IQGAP2: variants seen among roughly 807,000 people sequenced by gnomAD.
IQGAP2 encodes IQ motif containing GTPase activating protein 2, also known as ras GTPase-activating-like protein IQGAP2.
A neutral mutation model predicts 201.3 loss-of-function variants in IQGAP2; 173 were observed. The observed-to-expected ratio is 0.86, with a 90% CI of 0.76 to 0.98. The LOEUF (loss-of-function observed/expected upper bound fraction) is 0.98, where lower values mean the gene tolerates loss of function less well. IQGAP2 is among the 50% of genes least tolerant of loss of function. The probability of loss-of-function intolerance (pLI) is 0.00; values close to 1 mark genes in which losing one functional copy is unlikely to be tolerated. For synonymous variants in IQGAP2, 675 were observed against 673.9 expected (o/e 1.00, Z -0.03); for missense variants, 1,687 against 1,864.8 (o/e 0.90, Z 1.76).
At chr5:76,587,726 G>A (rs1420969565) in intron 5 of IQGAP2, among the ~76,000 whole-genome samples, 1 of 151,982 alleles carries the variant, frequency 6.6e-6, no homozygotes, top group Admixed American at 6.6e-5. Flanking sequence ...GCAGAGGTGG[G>A]TGGTCAGGAG....
intron 2 of IQGAP2, among the ~76,000 whole-genome samples, chr5:76,549,311 G>A (rs1280585654): frequency 2.2e-5 from 3 of 133,544 alleles, no homozygotes; most frequent in Admixed American, 1.5e-4. Flanking sequence ...CTCAGGCGTC[G>A]AGCTCTGGAG....
chr5:76,639,348 G>A (rs922365306), intron 16 of IQGAP2, among the ~76,000 whole-genome samples: 28 of 152,114 alleles, frequency 1.8e-4, no homozygotes, highest in Admixed American at 6.5e-4. Flanking sequence ...CACAGTCACC[G>A]GTATCTCTGA....
chr5:76,637,004 G>A (rs766244596), intron 15 of IQGAP2, 30 bp from the exon 16 acceptor site: 4 of 1,557,464 alleles, frequency 2.6e-6, no homozygotes, highest in Non-Finnish European at 3.5e-6. Flanking sequence ...CACTGTGTCT[G>A]TGTAGAATTT....
chr5:76,479,456 C>G (rs1755647125), intron 2 of IQGAP2, among the ~76,000 whole-genome samples: 1 of 152,158 alleles, frequency 6.6e-6, no homozygotes, highest in Non-Finnish European at 1.5e-5. Flanking sequence ...GACCAGCTGG[C>G]TGTGCTTGGC....
intron 2 of IQGAP2, among the ~76,000 whole-genome samples, chr5:76,495,703 C>A (rs1168977293): frequency 6.6e-6 from 1 of 152,176 alleles, no homozygotes; most frequent in Non-Finnish European, 1.5e-5. Context: ...CCTCAGGGAA[C>A]TTACAATCAT....
At chr5:76,524,242 A>C (rs1758847709) in intron 2 of IQGAP2, among the ~76,000 whole-genome samples, 1 of 152,222 alleles carries the variant, frequency 6.6e-6, no homozygotes, top group Non-Finnish European at 1.5e-5. Flanking sequence ...TACCTTAGCC[A>C]GAAGCCTCAC....
At chr5:76,406,527 A>G (rs1187126597) in intron 1 of IQGAP2, among the ~76,000 whole-genome samples, 1 of 152,282 alleles carries the variant, frequency 6.6e-6, no homozygotes, top group African/African-American at 2.4e-5. Context: ...TTGTATGTAT[A>G]GTATTTTTCT....
chr5:76,707,364 ATTTG>A lies in IQGAP2; in HGVS notation c.*55_*58del, dbSNP rs1211817954. On this transcript the variant is annotated 3_prime_UTR_variant, in exon 36 of 36. Transcript: ENST00000274364. ...CTGTATCATCTGGATTAGGAAATGA[ATTTG>A]TTTAATATTTTTGTTTTTAAACATG... is the stretch of plus-strand genomic sequence containing the variant. The A allele has an allele frequency of 3.6e-6, 3 of 836,066 alleles. No homozygotes were observed. Among genetic ancestry groups the A allele is most frequent in the Non-Finnish European group, 6.1e-6 (3 of 493,344 alleles). The allele number at this position is 836,066 out of a possible 1,614,324, so 51.8% of individuals were successfully genotyped here. A position where few individuals can be genotyped will look rare whatever the true frequency, so the allele number is the denominator to read the frequency against.
intron 2 of IQGAP2, among the ~76,000 whole-genome samples, chr5:76,516,662 A>G (rs1159387767): frequency 3.3e-5 from 5 of 152,322 alleles, no homozygotes; most frequent in Middle Eastern, 3.4e-3. Context: ...AAACTTGTCT[A>G]AAGAATTCTA....
intron 11 of IQGAP2, among the ~76,000 whole-genome samples, chr5:76,603,380 A>T (rs922836527): frequency 2.6e-5 from 4 of 152,030 alleles, no homozygotes; most frequent in Non-Finnish European, 4.4e-5. Flanking sequence ...GGAACCAAAA[A>T]TATCTGAGAT....
intron 1 of IQGAP2, among the ~76,000 whole-genome samples, chr5:76,405,949 A>G (rs1324498208): frequency 6.6e-6 from 1 of 152,218 alleles, no homozygotes; most frequent in African/African-American, 2.4e-5. Flanking sequence ...TTTCAGTTCT[A>G]GTGCTGAACG....
chr5:76,639,673 T>C (rs941523555), intron 16 of IQGAP2, among the ~76,000 whole-genome samples: 1 of 152,192 alleles, frequency 6.6e-6, no homozygotes, highest in Non-Finnish European at 1.5e-5. Context: ...GATATCGCAG[T>C]GTGGCAGTAT....
At position 76,500,189 on chromosome 5, in the gene IQGAP2, C is replaced by T. The variant is rs1053805579; in HGVS notation, c.146+38520C>T. 1.3e-5 allele frequency among the ~76,000 whole-genome samples: 2 copies of T among 152,166 alleles called. 1 individual carries two copies. The highest frequency in any genetic ancestry group is 4.2e-4 in the South Asian group (2 of 4,818). ...CTCGAAGAACTTTATTTACTTTCTT[C>T]TGTTGCATGCTACCACTTCCTGAAA... On this transcript the variant is annotated intron_variant, in intron 2 of 35. Coordinates refer to ENST00000274364, the MANE Select transcript of IQGAP2 (RefSeq NM_006633.5).
In IQGAP2 at chr5:76,562,517, A is replaced by G. The variant is rs544693483; in HGVS notation, c.268A>G (p.Lys90Glu). ...KFFAPKMVSE[K>E]KIYDVEQTRY... ...CTTTGCCCCGAAAATGGTATCAGAG[A>G]AAAAGATCTATGATGTGGAACAAAC... The change falls in exon 3 of 36, where the codon AAA becomes GAA. Residue 90 changes from lysine (K) to glutamate (E), a missense_variant. By Grantham distance (56) the Lys-to-Glu change is moderately conservative. Transcript: ENST00000274364. 6.8e-6 allele frequency: 11 copies of G among 1,614,086 alleles called. No individual in the cohort carries two copies. In the Admixed American group the frequency reaches 1.5e-4, roughly 22 times the overall value.
At chr5:76,670,716 A>C (rs1744238630) in intron 23 of IQGAP2, among the ~76,000 whole-genome samples, 1 of 152,202 alleles carries the variant, frequency 6.6e-6, no homozygotes, top group South Asian at 2.1e-4. Context: ...ACCATAAATC[A>C]AGAAAAGCTC....
intron 2 of IQGAP2, among the ~76,000 whole-genome samples, chr5:76,493,966 T>C (rs1756723268): frequency 6.6e-6 from 1 of 152,250 alleles, no homozygotes; most frequent in Non-Finnish European, 1.5e-5. Flanking sequence ...TAATGTGATG[T>C]AGTATTTGCA....
At chr5:76,590,125 A>C (rs544481482) in intron 7 of IQGAP2, among the ~76,000 whole-genome samples, 1 of 152,338 alleles carries the variant, frequency 6.6e-6, no homozygotes, top group East Asian at 1.9e-4. Context: ...GGATTGACTT[A>C]CCTTCTAACT....
chr5:76,559,385 C>T (rs894754282), intron 2 of IQGAP2, among the ~76,000 whole-genome samples: 7 of 152,208 alleles, frequency 4.6e-5, no homozygotes, highest in Non-Finnish European at 7.3e-5. Flanking sequence ...TTAATTTTCT[C>T]TAATTACCAC....
At chr5:76,659,152 C>A (rs1297467452) in intron 21 of IQGAP2, among the ~76,000 whole-genome samples, 4 of 152,114 alleles carry the variant, frequency 2.6e-5, no homozygotes, top group Non-Finnish European at 5.9e-5. Flanking sequence ...ATTAGTGGTT[C>A]TTCGTCTGTA....
Sources: gnomAD v4.1 joint callset for allele counts (sites outside exome capture counted in the v4.1 genomes callset) on GRCh38, gnomAD v4.1.1 for gene constraint, MANE v1.5 for transcripts, NCBI Gene and HGNC (gene_info 2026-07-23, HGNC 2026-07-21) for gene names.